The following FER variants were observed in gnomAD, a reference collection of about 807,000 sequenced individuals.
FER encodes the protein tyrosine-protein kinase Fer.
FER carries 63 observed loss-of-function variants against 111.0 expected under a neutral mutation model. The observed-to-expected ratio is 0.57, with a 90% confidence interval of 0.46 to 0.70. The LOEUF is 0.70. Ranked by LOEUF, FER falls within the 30% of genes least tolerant of loss-of-function variation. The pLI, the probability that FER is intolerant of heterozygous loss-of-function variation, is 0.00. For synonymous variants in FER, 327 were observed against 313.9 expected (o/e 1.04, Z -0.44); for missense variants, 914 against 954.0 (o/e 0.96, Z 0.55).
chr5:109,012,455 C>T (rs1766409530), intron 13 of FER, among the ~76,000 whole-genome samples: 1 of 152,208 alleles, frequency 6.6e-6, no homozygotes, highest in Non-Finnish European at 1.5e-5. Context: ...AATTCCAATA[C>T]TGATTTAGTC....
intron 16 of FER, among the ~76,000 whole-genome samples, chr5:109,062,923 G>A (rs1581863433): frequency 6.6e-6 from 1 of 152,086 alleles, no homozygotes; most frequent in Admixed American, 6.5e-5. Flanking sequence ...ATTTTAAAAT[G>A]ACTTATGACT....
chr5:108,790,463 G>T (rs1448960463), intron 2 of FER, among the ~76,000 whole-genome samples: 1 of 151,870 alleles, frequency 6.6e-6, no homozygotes, highest in Admixed American at 6.6e-5. Flanking sequence ...AAAGATAAAA[G>T]GTGTTTTTCT....
chr5:108,977,044 G>A (rs1263618524), intron 13 of FER, among the ~76,000 whole-genome samples: 1 of 152,160 alleles, frequency 6.6e-6, no homozygotes, highest in Admixed American at 6.5e-5. Context: ...TTAGTACAGA[G>A]ACAAACTGCT....
chr5:108,978,611 G>A (rs1761667800), intron 13 of FER, among the ~76,000 whole-genome samples: 1 of 152,140 alleles, frequency 6.6e-6, no homozygotes, highest in African/African-American at 2.4e-5. Flanking sequence ...GATTTGTGAA[G>A]TCCGGGAGTA....
intron 10 of FER, among the ~76,000 whole-genome samples, chr5:108,937,709 G>C (rs1407457791): frequency 6.6e-6 from 1 of 151,824 alleles, no homozygotes; most frequent in African/African-American, 2.4e-5. Flanking sequence ...GTGGAATTGT[G>C]TTGAGACGTC....
At chr5:108,909,882 G>T (rs1444842878) in intron 10 of FER, among the ~76,000 whole-genome samples, 2 of 151,204 alleles carry the variant, frequency 1.3e-5, no homozygotes, top group African/African-American at 2.4e-5. Context: ...TTAAACTTAT[G>T]CTACATAAAG....
chr5:108,951,543 T>C (rs530869206), intron 11 of FER, among the ~76,000 whole-genome samples: 12 of 152,314 alleles, frequency 7.9e-5, no homozygotes, highest in African/African-American at 2.9e-4. Flanking sequence ...GAATAACTTA[T>C]TAATTAGACT....
In FER at chr5:109,130,768, C is replaced by T. The variant is rs186534536; in HGVS notation, c.2048+30249C>T. Among the ~76,000 whole-genome samples, 451 of 152,206 alleles carry T rather than the reference C, an allele frequency of 3.0e-3. 1 individual carries two copies. Among genetic ancestry groups the T allele is most frequent in the African/African-American group, 9.4e-3 (390 of 41,538 alleles). Reference sequence around the variant, plus strand: ...AGCTATGTTTCAGCTGTTCAGCAATCATATGTGGCTAGTGGCTGCCATACC... The same window carrying T: ...AGCTATGTTTCAGCTGTTCAGCAATTATATGTGGCTAGTGGCTGCCATACC... On this transcript the variant is annotated intron_variant, in intron 17 of 19. Coordinates refer to ENST00000281092, the MANE Select transcript of FER (RefSeq NM_005246.4).
At chr5:109,009,817 C>G (rs987744321) in intron 13 of FER, among the ~76,000 whole-genome samples, 66 of 152,306 alleles carry the variant, frequency 4.3e-4, no homozygotes, top group African/African-American at 1.4e-3. Context: ...GGGATGGGTT[C>G]AGTTGAGACA....
chr5:109,148,188 A>T (rs1234700073), intron 17 of FER, among the ~76,000 whole-genome samples: 2 of 152,110 alleles, frequency 1.3e-5, no homozygotes, highest in Non-Finnish European at 2.9e-5. Flanking sequence ...ATAATTAAGA[A>T]TGGGAATTAA....
At chr5:109,143,241 C>G (rs1488835360) in intron 17 of FER, among the ~76,000 whole-genome samples, 1 of 152,156 alleles carries the variant, frequency 6.6e-6, no homozygotes, top group African/African-American at 2.4e-5. Context: ...CTTCACTCCT[C>G]TAGCCCAATC....
chr5:108,988,548 C>T (rs1348616623), intron 13 of FER, among the ~76,000 whole-genome samples: 1 of 152,002 alleles, frequency 6.6e-6, no homozygotes, highest in Non-Finnish European at 1.5e-5. Context: ...TCCGTTTTCT[C>T]TAGGTTTTCT....
At chr5:109,129,383 G>A (rs888611887) in intron 17 of FER, among the ~76,000 whole-genome samples, 7 of 151,818 alleles carry the variant, frequency 4.6e-5, no homozygotes, top group African/African-American at 1.7e-4. Context: ...ATGTATACTT[G>A]TTTACCTTTA....
chr5:109,144,636 A>G (rs1347071451), intron 17 of FER, among the ~76,000 whole-genome samples: 1 of 152,048 alleles, frequency 6.6e-6, no homozygotes, highest in Non-Finnish European at 1.5e-5. Flanking sequence ...TGATTTTCCT[A>G]CACTTAGCTA....
intron 11 of FER, among the ~76,000 whole-genome samples, chr5:108,953,654 A>G (rs1447372775): frequency 1.3e-5 from 2 of 152,116 alleles, no homozygotes; most frequent in African/African-American, 4.8e-5. Context: ...TTTACTTACT[A>G]CAAAATTACC....
At chr5:108,937,842 G>A (rs1755687513) in intron 10 of FER, among the ~76,000 whole-genome samples, 1 of 151,774 alleles carries the variant, frequency 6.6e-6, no homozygotes, top group Non-Finnish European at 1.5e-5. Flanking sequence ...TGAGGAATGA[G>A]TGAGAGTAGA....
At chr5:109,074,015 A>C (rs892046462) in intron 16 of FER, among the ~76,000 whole-genome samples, 1 of 152,146 alleles carries the variant, frequency 6.6e-6, no homozygotes, top group Admixed American at 6.6e-5. Flanking sequence ...ATCCTGTCTT[A>C]CTCAAAAATG....
chr5:108,883,577 T>C, intron 9 of FER, 59 bp downstream of exon 9: 1 of 1,446,432 alleles, frequency 6.9e-7, no homozygotes. Flanking sequence ...TACAAAAATA[T>C]TTTAGTTACA....
At chr5:108,919,897 G>A (rs925781456) in intron 10 of FER, among the ~76,000 whole-genome samples, 1 of 152,054 alleles carries the variant, frequency 6.6e-6, no homozygotes, top group African/African-American at 2.4e-5. Flanking sequence ...ATTCCTTACT[G>A]GTTAAAAGTG....
Sources: gnomAD v4.1 joint callset for allele counts (sites outside exome capture counted in the v4.1 genomes callset) on GRCh38, gnomAD v4.1.1 for gene constraint, MANE v1.5 for transcripts, NCBI Gene and HGNC (gene_info 2026-07-23, HGNC 2026-07-21) for gene names.